ROBO2: variants seen among roughly 807,000 people sequenced by gnomAD.
ROBO2 encodes roundabout guidance receptor 2.
A neutral mutation model predicts 160.8 loss-of-function variants in ROBO2; 53 were observed. The observed-to-expected ratio is 0.33, with a 90% CI of 0.26 to 0.41. The LOEUF is 0.41. Among genes scored for constraint, ROBO2 ranks in the 10% least tolerant of loss-of-function variants. The pLI is 1.00. For missense variants in ROBO2, 1,577 were observed against 1,722.4 expected, an observed-to-expected ratio of 0.92 and a Z score of 1.49; for synonymous variants, 664 against 611.7, an observed-to-expected ratio of 1.09 and a Z score of -1.26.
chr3:77,206,663 A>C (rs2083482608), intron 2 of ROBO2, among the ~76,000 whole-genome samples: 1 of 152,022 alleles, frequency 6.6e-6, no homozygotes, highest in Non-Finnish European at 1.5e-5. Flanking sequence ...ATATTTTTAA[A>C]ATTTTTATAT....
intron 2 of ROBO2, among the ~76,000 whole-genome samples, chr3:77,388,461 C>T (rs556697475): frequency 6.6e-5 from 10 of 152,120 alleles, no homozygotes; most frequent in Non-Finnish European, 1.5e-4. Flanking sequence ...GGGATCTTCC[C>T]TTTTGTTCTT....
chr3:76,958,588 A>T (rs1178862166), intron 2 of ROBO2, among the ~76,000 whole-genome samples: 3 of 152,194 alleles, frequency 2.0e-5, no homozygotes, highest in Non-Finnish European at 4.4e-5. Flanking sequence ...GACATATTTT[A>T]CTACAACCTT....
chr3:76,997,197 A>G (rs1482602043), intron 2 of ROBO2, among the ~76,000 whole-genome samples: 3 of 152,188 alleles, frequency 2.0e-5, no homozygotes, highest in African/African-American at 7.2e-5. Flanking sequence ...ACAAATCACA[A>G]CATTTTAATC....
At position 77,479,141 on chromosome 3, in the gene ROBO2, G is replaced by T. The variant is rs561084256; in HGVS notation, c.546+1570G>T. ...TAAGTGGGCCCAACAAATAGACAAAGTTCCTCTGGCCTCTGGGAGAGGTGG... is the reference window on the plus strand; with the variant it reads ...TAAGTGGGCCCAACAAATAGACAAATTTCCTCTGGCCTCTGGGAGAGGTGG... On this transcript the variant is annotated intron_variant, in intron 3 of 25. Transcript: ENST00000461745. Among the ~76,000 whole-genome samples, 11 of 152,260 alleles carry T rather than the reference G, an allele frequency of 7.2e-5. No individual in the cohort carries two copies. The South Asian group carries it at 1.7e-3, about 23-fold the overall frequency.
intron 2 of ROBO2, among the ~76,000 whole-genome samples, chr3:76,853,262 A>C (rs182459958): frequency 6.6e-6 from 1 of 152,216 alleles, no homozygotes; most frequent in East Asian, 1.9e-4. Context: ...TAACTAAAAA[A>C]TAGTTGGTAA....
intron 2 of ROBO2, among the ~76,000 whole-genome samples, chr3:76,639,458 ACT>A (rs912503319): frequency 5.0e-4 from 61 of 121,908 alleles, no homozygotes; most frequent in Admixed American, 2.1e-3. Flanking sequence ...GTGTACCTAC[ACT>A]CTCTCACACA....
intron 2 of ROBO2, among the ~76,000 whole-genome samples, chr3:76,915,917 T>C (rs2076275924): frequency 6.6e-6 from 1 of 152,182 alleles, no homozygotes; most frequent in Admixed American, 6.5e-5. Flanking sequence ...GTCAGCTTTC[T>C]TCTTGCTGTA....
intron 2 of ROBO2, among the ~76,000 whole-genome samples, chr3:76,108,592 T>G (rs1455098234): frequency 6.6e-6 from 1 of 151,810 alleles, no homozygotes; most frequent in African/African-American, 2.4e-5. Context: ...AAGTGGGATG[T>G]AAGGTCTTAA....
chr3:77,489,306 G>A (rs1037666102), intron 4 of ROBO2, among the ~76,000 whole-genome samples: 17 of 152,130 alleles, frequency 1.1e-4, no homozygotes, highest in African/African-American at 3.9e-4. Context: ...GCCAATGTCA[G>A]ACTTCCAAAA....
At chr3:77,414,212 T>C (rs2077028809) in intron 2 of ROBO2, among the ~76,000 whole-genome samples, 1 of 152,198 alleles carries the variant, frequency 6.6e-6, no homozygotes, top group African/African-American at 2.4e-5. Flanking sequence ...CAGATGCTAC[T>C]TAAGGTCACA....
At chr3:77,244,620 C>T (rs2089482089) in intron 2 of ROBO2, among the ~76,000 whole-genome samples, 1 of 152,082 alleles carries the variant, frequency 6.6e-6, no homozygotes. Flanking sequence ...TGGCTCATGC[C>T]TGTAATCCCA....
At chr3:76,783,646 C>T (rs2062798441) in intron 2 of ROBO2, among the ~76,000 whole-genome samples, 1 of 150,628 alleles carries the variant, frequency 6.6e-6, no homozygotes, top group African/African-American at 2.4e-5. Context: ...TCTCTGGCTG[C>T]TTTCAAAATT....
chr3:76,045,709 T>C (rs1198217394), intron 2 of ROBO2, among the ~76,000 whole-genome samples: 1 of 151,934 alleles, frequency 6.6e-6, no homozygotes. Context: ...TATTTCTGTT[T>C]CCAAGTTCAA....
chr3:77,012,106 AAGACC>A (rs1437075428), intron 2 of ROBO2, among the ~76,000 whole-genome samples: 3 of 152,170 alleles, frequency 2.0e-5, no homozygotes, highest in African/African-American at 7.2e-5. Context: ...TGTCCACTAG[AAGACC>A]TTGGTCATAT....
intron 2 of ROBO2, among the ~76,000 whole-genome samples, chr3:77,396,448 T>G (rs1474651602): frequency 6.6e-6 from 1 of 152,144 alleles, no homozygotes; most frequent in African/African-American, 2.4e-5. Flanking sequence ...AACACTGATC[T>G]TCACAATTAT....
chr3:77,333,068 G>A (rs1211341251), intron 2 of ROBO2, among the ~76,000 whole-genome samples: 1 of 152,140 alleles, frequency 6.6e-6, no homozygotes, highest in Non-Finnish European at 1.5e-5. Flanking sequence ...TATACTTTGT[G>A]CAGATACCTC....
At chr3:76,105,246 C>A (rs2069871364) in intron 2 of ROBO2, among the ~76,000 whole-genome samples, 1 of 151,540 alleles carries the variant, frequency 6.6e-6, no homozygotes, top group South Asian at 2.1e-4. Context: ...CCCCCTATCA[C>A]CCAAATTGAC....
chr3:77,529,351 G>A (rs922378762), intron 6 of ROBO2, among the ~76,000 whole-genome samples: 2 of 151,580 alleles, frequency 1.3e-5, no homozygotes, highest in African/African-American at 4.8e-5. Context: ...ATGAATGATT[G>A]AAAACATTTC....
At chr3:77,314,689 AT>A (rs1431450196) in intron 2 of ROBO2, among the ~76,000 whole-genome samples, 2 of 152,192 alleles carry the variant, frequency 1.3e-5, no homozygotes, top group African/African-American at 4.8e-5. Flanking sequence ...GTGTTAAAAA[AT>A]ATATCATCTA....
Sources: allele counts gnomAD v4.1 joint callset (sites outside exome capture counted in the v4.1 genomes callset), GRCh38; gene constraint gnomAD v4.1.1; transcripts MANE v1.5; gene names NCBI Gene and HGNC (gene_info 2026-07-23, HGNC 2026-07-21).